VOPP1: variants seen among roughly 807,000 people sequenced by gnomAD.
VOPP1 encodes the protein VOPP1 WW domain binding protein.
A neutral mutation model predicts 23.5 loss-of-function variants in VOPP1; 8 were observed. The observed-to-expected ratio is 0.34, with a 90% CI of 0.20 to 0.61. The LOEUF is 0.61. Ranked by LOEUF, VOPP1 falls within the 20% of genes least tolerant of loss-of-function variation. The pLI is 0.78. For synonymous variants in VOPP1, 83 were observed against 97.3 expected (o/e 0.85, Z 0.86); for missense variants, 174 against 238.1 (o/e 0.73, Z 1.77).
Position 55,497,529 on chromosome 7 carries a change from G to A in VOPP1, c.191+84C>T, listed in dbSNP as rs1194852421. On this transcript the variant is annotated intron_variant, in intron 3 of 4. Coordinates refer to ENST00000285279, the MANE Select transcript of VOPP1 (RefSeq NM_030796.5). ...AGGCCACCACCCAAGTGAAGGTGTCGCATCCAAGGCTGTGACAACACTGAT... is the reference window on the plus strand; with the variant it reads ...AGGCCACCACCCAAGTGAAGGTGTCACATCCAAGGCTGTGACAACACTGAT... The A allele has an allele frequency of 6.9e-5, 87 of 1,257,748 alleles. No homozygotes were observed. The East Asian group carries it at 1.4e-3, about 21-fold the overall frequency. 77.9% of individuals were successfully genotyped at this position (1,257,748 alleles called of 1,614,324 possible). A position where few individuals can be genotyped will look rare whatever the true frequency, so the allele number is the denominator to read the frequency against.
At chr7:55,519,360 A>T (rs1351239070) in intron 2 of VOPP1, among the ~76,000 whole-genome samples, 1 of 152,234 alleles carries the variant, frequency 6.6e-6, no homozygotes, top group African/African-American at 2.4e-5. Context: ...GAATGGATAA[A>T]GAACAAATGA....
intron 4 of VOPP1, among the ~76,000 whole-genome samples, chr7:55,445,787 T>C (rs1343550786): frequency 1.3e-5 from 2 of 152,156 alleles, no homozygotes; most frequent in Non-Finnish European, 2.9e-5. Flanking sequence ...ACTAGCCACA[T>C]ATGGGTATTT....
chr7:55,501,931 T>A (rs1476842541), intron 2 of VOPP1, among the ~76,000 whole-genome samples: 1 of 152,240 alleles, frequency 6.6e-6, no homozygotes, highest in East Asian at 1.9e-4. Flanking sequence ...ATCTGTGCTC[T>A]AGCTCTGAGC....
At chr7:55,512,134 G>A (rs1199845446) in intron 2 of VOPP1, among the ~76,000 whole-genome samples, 2 of 152,180 alleles carry the variant, frequency 1.3e-5, no homozygotes, top group Non-Finnish European at 2.9e-5. Context: ...CAGTTAAAAG[G>A]AATCAAGCTC....
chr7:55,492,855 C>T (rs1222781833), intron 3 of VOPP1: 4 of 154,378 alleles, frequency 2.6e-5, no homozygotes, highest in African/African-American at 9.6e-5. Flanking sequence ...TTCCATTCTT[C>T]ACTGTCAAAG....
chr7:55,441,608 A>G (rs1790967163), intron 4 of VOPP1, among the ~76,000 whole-genome samples: 1 of 109,024 alleles, frequency 9.2e-6, no homozygotes, highest in South Asian at 2.9e-4. Context: ...TTTAGATTAA[A>G]TTAAGGATTA....
At chr7:55,436,597 T>A (rs985972601) in intron 4 of VOPP1, among the ~76,000 whole-genome samples, 3 of 149,024 alleles carry the variant, frequency 2.0e-5, no homozygotes, top group Admixed American at 6.6e-5. Flanking sequence ...CAGACAATTG[T>A]GCATGAGTGT....
chr7:55,514,733 G>T (rs564894570), intron 2 of VOPP1, among the ~76,000 whole-genome samples: 1 of 152,184 alleles, frequency 6.6e-6, no homozygotes, highest in Non-Finnish European at 1.5e-5. Context: ...CAGCTCTCTG[G>T]AGATGACACC....
chr7:55,554,010 CA>C (rs2129054603), intron 1 of VOPP1: 1 of 152,360 alleles, frequency 6.6e-6, no homozygotes, highest in East Asian at 1.9e-4. Flanking sequence ...CTGCCCTGCT[CA>C]AGACTTACGA....
chr7:55,461,959 G>C (rs1299266954), intron 4 of VOPP1, among the ~76,000 whole-genome samples: 2 of 152,096 alleles, frequency 1.3e-5, no homozygotes, highest in African/African-American at 4.8e-5. Context: ...ATGTTTTCAT[G>C]ATGCAAATAT....
intron 4 of VOPP1, among the ~76,000 whole-genome samples, chr7:55,455,343 A>G (rs1414147922): frequency 6.6e-6 from 1 of 152,250 alleles, no homozygotes; most frequent in Admixed American, 6.5e-5. Flanking sequence ...GCTCATGGAT[A>G]GGAAGAATAA....
chr7:55,543,816 T>C (rs1188339716), intron 1 of VOPP1, among the ~76,000 whole-genome samples: 1 of 152,196 alleles, frequency 6.6e-6, no homozygotes, highest in Non-Finnish European at 1.5e-5. Context: ...ATTAATCCCA[T>C]GTCAGATGAA....
chr7:55,464,131 A>T (rs546064955), intron 4 of VOPP1, among the ~76,000 whole-genome samples: 1,829 of 152,300 alleles, frequency 0.012, 13 homozygotes, highest in Admixed American at 0.021. Context: ...TCTGGGTACC[A>T]GCAGCAGTGG....
intron 1 of VOPP1, among the ~76,000 whole-genome samples, chr7:55,568,939 GGCATAGAACCTTA>G (rs1220093677): frequency 6.6e-6 from 1 of 152,166 alleles, no homozygotes; most frequent in Non-Finnish European, 1.5e-5. Flanking sequence ...GCGGAACAAA[GGCATAGAACCTTA>G]GCATTTTATG....
At chr7:55,537,810 C>G in intron 1 of VOPP1, 1 of 936,112 alleles carries the variant, frequency 1.1e-6, no homozygotes, top group African/African-American at 1.7e-5. Flanking sequence ...GCCCCCACTT[C>G]CCCTCCAACT....
chr7:55,542,561 G>A (rs570370207), intron 1 of VOPP1, among the ~76,000 whole-genome samples: 4 of 152,158 alleles, frequency 2.6e-5, no homozygotes, highest in East Asian at 1.9e-4. Flanking sequence ...AGGCCGAGGC[G>A]GGCAGATCAC....
chr7:55,529,310 A>G (rs1796361471), intron 1 of VOPP1, among the ~76,000 whole-genome samples: 1 of 143,740 alleles, frequency 7.0e-6, no homozygotes, highest in South Asian at 2.2e-4. Context: ...GGTTACAGTG[A>G]GCTGAGATGG....
intron 4 of VOPP1, among the ~76,000 whole-genome samples, chr7:55,474,125 A>C (rs1232930412): frequency 1.3e-5 from 2 of 152,252 alleles, no homozygotes; most frequent in East Asian, 3.9e-4. Context: ...GAGGGCACTC[A>C]GCACAGATGC....
intron 4 of VOPP1, among the ~76,000 whole-genome samples, chr7:55,490,521 C>G (rs1793491147): frequency 6.6e-6 from 1 of 152,194 alleles, no homozygotes; most frequent in Non-Finnish European, 1.5e-5. Context: ...GTGGTAGACT[C>G]TGAGCTCGGC....
Sources: allele counts gnomAD v4.1 joint callset (sites outside exome capture counted in the v4.1 genomes callset), GRCh38; gene constraint gnomAD v4.1.1; transcripts MANE v1.5; gene names NCBI Gene and HGNC (gene_info 2026-07-23, HGNC 2026-07-21).